TMC4: variants seen among roughly 807,000 people sequenced by gnomAD.
TMC4 encodes voltage-gated chloride channel TMC4.
Under a neutral mutation model 82.0 loss-of-function variants are expected in TMC4, and 70 were observed. That is an observed-to-expected ratio of 0.85 (90% confidence interval 0.70 to 1.04). The LOEUF (loss-of-function observed/expected upper bound fraction) is 1.04, where lower values mean the gene tolerates loss of function less well. Among genes scored for constraint, TMC4 ranks in the 50% least tolerant of loss-of-function variants. TMC4 has a pLI of 0.00. For synonymous variants in TMC4, 446 were observed against 406.0 expected (o/e 1.10, Z -1.18); for missense variants, 879 against 899.0 (o/e 0.98, Z 0.28).
At chr19:54,167,901 A>C (rs2075743771) in intron 5 of TMC4, among the ~76,000 whole-genome samples, 1 of 151,640 alleles carries the variant, frequency 6.6e-6, no homozygotes, top group African/African-American at 2.4e-5. Flanking sequence ...TCTCTACTAA[A>C]AATACAAAAA....
In TMC4 at chr19:54,161,170, G is replaced by A; in HGVS notation, c.1777C>T (p.Leu593=). ...FFFPLVLLLG[L]AISSVPLLYS... ...AGCAGGGGAACGCTGGAGATGGCCAGACCCAGGAGAAGGACCAAGGGGAAA... is the reference window on the plus strand; with the variant it reads ...AGCAGGGGAACGCTGGAGATGGCCAAACCCAGGAGAAGGACCAAGGGGAAA... The change falls in exon 12 of 15, where the codon CTG becomes TTG. Residue 593 remains leucine (L), a synonymous_variant. Transcript: ENST00000619895. The A allele has an allele frequency of 6.3e-7, 1 of 1,593,606 alleles. No individual in the cohort carries two copies. The highest frequency in any genetic ancestry group is 8.5e-7 in the Non-Finnish European group (1 of 1,171,926).
At position 54,168,770 on chromosome 19, in the gene TMC4, C is replaced by T. The variant is rs552906833; in HGVS notation, c.443-90G>A. On this transcript the variant is annotated intron_variant, in intron 3 of 14. Transcript: ENST00000619895. The stretch of plus-strand genomic sequence containing the variant: ...CTGGACTGGGGTCCAGCCGCGCCTT[C>T]CTTTCTTTCTTTCTTTTCTTTTCTT... 62 of 521,918 alleles carry T rather than the reference C, an allele frequency of 1.2e-4. 2 individuals are homozygous for T. Among genetic ancestry groups the T allele is most frequent in the African/African-American group, 7.8e-4 (32 of 41,274 alleles). 32.3% of individuals were successfully genotyped at this position (521,918 alleles called of 1,614,324 possible). A position where few individuals can be genotyped will look rare whatever the true frequency, so the allele number is the denominator to read the frequency against.
chr19:54,160,490 C>T lies in TMC4; in HGVS notation c.2029G>A (p.Glu677Lys). 1 of 1,614,124 alleles carries T rather than the reference C, an allele frequency of 6.2e-7. No homozygotes were observed. Among genetic ancestry groups the T allele is most frequent in the South Asian group, 1.1e-5 (1 of 91,088 alleles). The change falls in exon 14 of 15, where the codon GAG becomes AAG. Residue 677 changes from glutamate to lysine, a missense_variant. By Grantham distance (56) the Glu-to-Lys change is moderately conservative. Coordinates refer to ENST00000619895, the MANE Select transcript of TMC4 (RefSeq NM_144686.4). ...ACCGTCTCTCTCTGACGTTTGAGCT[C>T]AGAGATGAGGCGTCCGTAGGAGTTA... ...LANSYGRLIS[E>K]LKRQRETEAQ...
intron 7 of TMC4, among the ~76,000 whole-genome samples, chr19:54,164,124 A>C (rs1199965065): frequency 6.6e-6 from 1 of 151,266 alleles, no homozygotes; most frequent in East Asian, 1.9e-4. Context: ...ACAGGCGCCC[A>C]CCACCACGCC....
rs1251398552 is a variant in TMC4 at position 54,163,832 on chromosome 19, G to A, written c.1169C>T (p.Pro390Leu). 6.2e-6 allele frequency: 10 copies of A among 1,614,040 alleles called. No homozygotes were observed. The highest frequency in any genetic ancestry group is 1.6e-4 in the Middle Eastern group (1 of 6,062). The change falls in exon 8 of 15, where the codon CCG becomes CTG. Residue 390 changes from proline to leucine, a missense_variant. Pro to Leu is a moderately conservative substitution (Grantham distance 98). Transcript: ENST00000619895. ...ATTGACCCCAGCGATGAAGATGGACGGAAGGTAATTCACCCCAAGCTTCAG... is the reference window on the plus strand; with the variant it reads ...ATTGACCCCAGCGATGAAGATGGACAGAAGGTAATTCACCCCAAGCTTCAG... Reference protein sequence around the residue: ...PLLKLGVNYLPSIFIAGVNFV... With the variant: ...PLLKLGVNYLLSIFIAGVNFV...
rs1318533802 is a variant in TMC4, at chr19:54,160,543, A to G, written c.1976T>C (p.Ile659Thr). ...FAVPLLLISSILMAYTVALAN... is the reference protein window; with the variant it reads ...FAVPLLLISSTLMAYTVALAN... ...CAGAGCCACAGTGTACGCCATCAGG[A>G]TGCTGAAGGAGACAGGAACGGAAGC... Residue 659 changes from isoleucine (I) to threonine (T), a missense_variant and splice_region_variant, in exon 14 of 15, where the codon ATC becomes ACC. Ile to Thr is a moderately conservative substitution (Grantham distance 89, BLOSUM62 -1). Transcript: ENST00000619895. The G allele has an allele frequency of 6.2e-7, 1 of 1,614,186 alleles. No homozygotes were observed. The highest frequency in any genetic ancestry group is 8.5e-7 in the Non-Finnish European group (1 of 1,180,022).
At chr19:54,165,813 G>A (rs2146888936) in intron 5 of TMC4, among the ~76,000 whole-genome samples, 1 of 152,194 alleles carries the variant, frequency 6.6e-6, no homozygotes, top group East Asian at 1.9e-4. Flanking sequence ...AGAAACCTAG[G>A]AGACAGGGAC....
In TMC4 at chr19:54,162,296, G is replaced by A; in HGVS notation, c.1503-11C>T. ...AGGCCACAGAGGAGCCTGAAGGACG[G>A]GGCGGGGCCGGGCCGGAGTCAGGGG... On this transcript the variant is annotated splice_polypyrimidine_tract_variant and intron_variant, in intron 10 of 14. Transcript: ENST00000619895. The A allele has an allele frequency of 6.6e-7, 1 of 1,519,430 alleles. No individual in the cohort carries two copies. Among genetic ancestry groups the A allele is most frequent in the African/African-American group, 1.4e-5 (1 of 71,706 alleles). 94.1% of individuals were successfully genotyped at this position (1,519,430 alleles called of 1,614,324 possible). A position where few individuals can be genotyped will look rare whatever the true frequency, so the allele number is the denominator to read the frequency against.
chr19:54,171,064 T>C (rs893217917), intron 2 of TMC4, among the ~76,000 whole-genome samples: 1 of 145,584 alleles, frequency 6.9e-6, no homozygotes, highest in South Asian at 2.1e-4. Context: ...TATATACACA[T>C]ATATATACAT....
chr19:54,161,500 C>G (rs2075553916), intron 11 of TMC4, among the ~76,000 whole-genome samples: 1 of 150,940 alleles, frequency 6.6e-6, no homozygotes, highest in Non-Finnish European at 1.5e-5. Context: ...AGGTGTGCAC[C>G]ACCACTCCCG....
chr19:54,161,205 G>A lies in TMC4; in HGVS notation c.1742C>T (p.Ala581Val), dbSNP rs771715265. 24 of 1,591,396 alleles carry A rather than the reference G, an allele frequency of 1.5e-5. No homozygotes were observed. The African/African-American group carries it at 2.4e-4, about 16-fold the overall frequency. ...PAARTFRASA[A>V]NFFFPLVLLL... ...AAGGACCAAGGGGAAAAAGAAATTCGCCGCGGAGGCCCGGAAGGTGCGGGC... is the reference window on the plus strand; with the variant it reads ...AAGGACCAAGGGGAAAAAGAAATTCACCGCGGAGGCCCGGAAGGTGCGGGC... Residue 581 changes from alanine (A) to valine (V), a missense_variant, in exon 12 of 15, where the codon GCG becomes GTG. Physicochemically the swap from Ala to Val is moderately conservative, Grantham distance 64. Coordinates refer to ENST00000619895, the MANE Select transcript of TMC4 (RefSeq NM_144686.4).
chr19:54,164,411 T>C (rs1377754691), intron 7 of TMC4, 23 bp downstream of exon 7: 2 of 1,587,560 alleles, frequency 1.3e-6, no homozygotes, highest in Non-Finnish European at 1.7e-6. Context: ...CCCCCTGGCT[T>C]CCTCTTCCAA....
chr19:54,162,328 G>T, intron 10 of TMC4, 43 bp from the exon 11 acceptor site: 1 of 1,408,888 alleles, frequency 7.1e-7, no homozygotes, highest in South Asian at 1.5e-5. Context: ...GGGGAGTGGC[G>T]GCCTGGAGTT....
At chr19:54,169,373 A>C in intron 3 of TMC4, 139 bp downstream of exon 3, 4 of 1,114,246 alleles carry the variant, frequency 3.6e-6, no homozygotes, top group Non-Finnish European at 5.0e-6. Flanking sequence ...CCAGACCCCC[A>C]GCCCCTCCTC....
Position 54,173,069 on chromosome 19 carries a change from C to T in TMC4, c.49G>A (p.Glu17Lys). 1 of 1,613,474 alleles carries T rather than the reference C, an allele frequency of 6.2e-7. No individual in the cohort carries two copies. ...CTGGCCTCCCGGGGGGCCAGCCACT[C>T]CCTAGAGGAGCCCCAGGCTTCTGAT... is the stretch of plus-strand genomic sequence containing the variant. Reference protein sequence around the residue: ...LESEAWGSSREWLAPREARGG... With the variant: ...LESEAWGSSRKWLAPREARGG... The change falls in exon 1 of 15, where the codon GAG becomes AAG. Residue 17 changes from glutamate (E) to lysine (K), a missense_variant. Glu to Lys is a moderately conservative substitution (Grantham distance 56). Transcript: ENST00000619895.
At chr19:54,166,552 G>C (rs1042739990) in intron 5 of TMC4, among the ~76,000 whole-genome samples, 2 of 152,110 alleles carry the variant, frequency 1.3e-5, no homozygotes, top group African/African-American at 2.4e-5. Flanking sequence ...ACTTGTGCCC[G>C]CATATAATCC....
At chr19:54,168,348 CT>C in intron 4 of TMC4, 56 bp from the exon 5 acceptor site, 2 of 1,537,022 alleles carry the variant, frequency 1.3e-6, no homozygotes, top group South Asian at 2.4e-5. Flanking sequence ...GCTCCTGGAG[CT>C]GCACAGTCAG....
chr19:54,161,094 G>T (rs775166077), intron 12 of TMC4, 36 bp downstream of exon 12: 14 of 1,601,674 alleles, frequency 8.7e-6, no homozygotes, highest in African/African-American at 1.3e-5. Flanking sequence ...AATGGGGAGA[G>T]AGGGAGGGAG....
At position 54,163,065 on chromosome 19, in the gene TMC4, T is replaced by C. The variant is rs1470138466; in HGVS notation, c.1372A>G (p.Lys458Glu). The C allele has an allele frequency of 6.2e-7, 1 of 1,614,136 alleles. No homozygotes were observed. The highest frequency in any genetic ancestry group is 1.1e-5 in the South Asian group (1 of 91,078). ...TGTTTGTAATTGTAGCCACAGGTTTTGCAGTCCTCAGCCTCGGAGTCGCCC... is the reference window on the plus strand; with the variant it reads ...TGTTTGTAATTGTAGCCACAGGTTTCGCAGTCCTCAGCCTCGGAGTCGCCC... ...CGGDSEAEDC[K>E]TCGYNYKQLP... The change falls in exon 9 of 15, where the codon AAA becomes GAA. Residue 458 changes from lysine to glutamate, a missense_variant. Coordinates refer to ENST00000619895, the MANE Select transcript of TMC4 (RefSeq NM_144686.4).
Sources: gnomAD v4.1 joint callset for allele counts (sites outside exome capture counted in the v4.1 genomes callset) on GRCh38, gnomAD v4.1.1 for gene constraint, MANE v1.5 for transcripts, NCBI Gene and HGNC (gene_info 2026-07-23, HGNC 2026-07-21) for gene names.